Variants in SLC7A9 observed in about 807,000 individuals in gnomAD.
SLC7A9 encodes B(0,+)-type amino acid transporter 1.
In SLC7A9, 38 loss-of-function variants were observed where a neutral mutation model predicts 54.1. The ratio of observed to expected loss-of-function variants is 0.70; its 90% CI spans 0.54 to 0.92. The LOEUF (loss-of-function observed/expected upper bound fraction) is 0.92, where lower values mean the gene tolerates loss of function less well. Ranked by LOEUF, SLC7A9 falls within the 40% of genes least tolerant of loss-of-function variation. The pLI is 0.00. For synonymous variants in SLC7A9, 264 were observed against 258.9 expected (o/e 1.02, Z -0.19); for missense variants, 537 against 636.1 (o/e 0.84, Z 1.68).
Position 32,864,670 on chromosome 19 carries a change from C to T in SLC7A9, c.194G>A (p.Cys65Tyr). ...CCCGCAAGCCGCCCATATGATGAGG[C>T]AGGGCCCCACAGCTTCCGTGTTGCT... is the stretch of plus-strand genomic sequence containing the variant. Reference protein sequence around the residue: ...VLSNTEAVGPCLIIWAACGVL... With the variant: ...VLSNTEAVGPYLIIWAACGVL... The change falls in exon 3 of 13, where the codon TGC (cysteine) becomes TAC (tyrosine). Residue 65 changes from cysteine to tyrosine, a missense_variant. By Grantham distance (194) the Cys-to-Tyr change is radical. Coordinates refer to ENST00000023064, the MANE Select transcript of SLC7A9 (RefSeq NM_014270.5). The T allele has an allele frequency of 6.2e-7, 1 of 1,614,148 alleles. No individual in the cohort carries two copies. The highest frequency in any genetic ancestry group is 1.1e-5 in the South Asian group (1 of 91,090).
At chr19:32,845,760 G>T (rs1488656001) in intron 9 of SLC7A9, among the ~76,000 whole-genome samples, 1 of 151,974 alleles carries the variant, frequency 6.6e-6, no homozygotes, top group Non-Finnish European at 1.5e-5. Flanking sequence ...GTAATCCCAG[G>T]ACTTCGGGAG....
At chr19:32,860,541 C>T (rs1012536083) in intron 7 of SLC7A9, 65 bp downstream of exon 7, 10 of 1,613,508 alleles carry the variant, frequency 6.2e-6, no homozygotes, top group Admixed American at 1.7e-5. Flanking sequence ...ATAGCTCCAG[C>T]CTTCACCAGG....
At position 32,864,667 on chromosome 19, in the gene SLC7A9, A is replaced by T. The variant is rs936158382; in HGVS notation, c.197T>A (p.Leu66His). 3 of 1,613,956 alleles carry T rather than the reference A, an allele frequency of 1.9e-6. No individual in the cohort carries two copies. The highest frequency in any genetic ancestry group is 1.3e-5 in the African/African-American group (1 of 74,936). ...GACCCCGCAAGCCGCCCATATGATG[A>T]GGCAGGGCCCCACAGCTTCCGTGTT... is the stretch of plus-strand genomic sequence containing the variant. Reference protein sequence around the residue: ...LSNTEAVGPCLIIWAACGVLA... With the variant: ...LSNTEAVGPCHIIWAACGVLA... Residue 66 changes from leucine (L) to histidine (H), a missense_variant, in exon 3 of 13, where the codon CTC (leucine) becomes CAC (histidine). Coordinates refer to ENST00000023064, the MANE Select transcript of SLC7A9 (RefSeq NM_014270.5).
At chr19:32,860,549 A>G in intron 7 of SLC7A9, 57 bp downstream of exon 7, 1 of 1,613,614 alleles carries the variant, frequency 6.2e-7, no homozygotes, top group Admixed American at 1.7e-5. Context: ...AGCCTTCACC[A>G]GGAGAAGAGA....
rs1277638167 is a variant in SLC7A9 at position 32,842,143 on chromosome 19, C to T, written c.1224+25G>A. The T allele has an allele frequency of 1.9e-6, 3 of 1,612,978 alleles. 1 individual carries two copies. Among genetic ancestry groups the T allele is most frequent in the African/African-American group, 2.7e-5 (2 of 74,892 alleles). ...ATTCATTAAAAAATCCAAAGCCACT[C>T]GTGACTCTGGGGCTGCAAGCTTACC... On this transcript the variant is annotated intron_variant, in intron 11 of 12. Transcript: ENST00000023064.
intron 11 of SLC7A9, 113 bp downstream of exon 11, chr19:32,842,055 A>T: frequency 9.5e-7 from 1 of 1,052,928 alleles, no homozygotes; most frequent in Non-Finnish European, 1.5e-6. Flanking sequence ...ACGATATTTT[A>T]AAAGAGTCAA....
intron 11 of SLC7A9, among the ~76,000 whole-genome samples, chr19:32,840,832 G>A (rs184810848): frequency 2.6e-5 from 4 of 152,200 alleles, no homozygotes; most frequent in Non-Finnish European, 5.9e-5. Context: ...CCTCTCTCCT[G>A]GGAACACATG....
chr19:32,857,251 C>T (rs1182923005), intron 9 of SLC7A9, among the ~76,000 whole-genome samples: 1 of 151,824 alleles, frequency 6.6e-6, no homozygotes, highest in Admixed American at 6.6e-5. Context: ...CGAAATGGGC[C>T]TGGGCAACAT....
At chr19:32,838,462 ATATAT>A (rs1179146912) in intron 11 of SLC7A9, among the ~76,000 whole-genome samples, 5 of 148,660 alleles carry the variant, frequency 3.4e-5, no homozygotes, top group African/African-American at 7.3e-5. Flanking sequence ...TTATATAAGA[ATATAT>A]TATATCTAAT....
At chr19:32,835,166 T>G (rs1351167660) in intron 11 of SLC7A9, among the ~76,000 whole-genome samples, 1 of 152,232 alleles carries the variant, frequency 6.6e-6, no homozygotes, top group Non-Finnish European at 1.5e-5. Flanking sequence ...TCATGATATA[T>G]TATCTTTTTA....
chr19:32,832,868 C>T (rs1967845878), intron 12 of SLC7A9: 3 of 410,296 alleles, frequency 7.3e-6, no homozygotes, highest in Admixed American at 7.1e-5. Flanking sequence ...ATGACCATGC[C>T]ACTGCACTTT....
At chr19:32,842,660 T>C (rs1486896294) in intron 10 of SLC7A9, among the ~76,000 whole-genome samples, 1 of 151,590 alleles carries the variant, frequency 6.6e-6, no homozygotes, top group Non-Finnish European at 1.5e-5. Flanking sequence ...TCACCCAGGC[T>C]CGAATGCAGT....
chr19:32,836,646 T>A (rs1480799146), intron 11 of SLC7A9, among the ~76,000 whole-genome samples: 4 of 152,168 alleles, frequency 2.6e-5, no homozygotes, highest in African/African-American at 9.7e-5. Flanking sequence ...ATATTTTAGA[T>A]CCCCAGTCAC....
At position 32,867,212 on chromosome 19, in the gene SLC7A9, C is replaced by A. The variant is rs373101629; in HGVS notation, c.87+1236G>T. On this transcript the variant is annotated intron_variant, in intron 2 of 12. Coordinates refer to ENST00000023064, the MANE Select transcript of SLC7A9 (RefSeq NM_014270.5). ...TAGAGGGGACTCAACCATCAGAACG[C>A]CCTCTCTGGCTGGGCACAGCGACTC... Among the ~76,000 whole-genome samples the A allele has an allele frequency of 3.3e-5, 5 of 152,182 alleles. No homozygotes were observed. In the East Asian group the frequency reaches 9.6e-4, roughly 29 times the overall value.
chr19:32,859,971 G>C lies in SLC7A9; in HGVS notation c.750-7C>G. 1 of 1,614,114 alleles carries C rather than the reference G, an allele frequency of 6.2e-7. No individual in the cohort carries two copies. The highest frequency in any genetic ancestry group is 8.5e-7 in the Non-Finnish European group (1 of 1,179,988). The stretch of plus-strand genomic sequence containing the variant: ...AATGGCCAAAGGCAGGTTTCTGGGA[G>C]GGGCAATGACACGGAGACCCACGTT... On this transcript the variant is annotated splice_polypyrimidine_tract_variant and splice_region_variant and intron_variant, in intron 7 of 12. Transcript: ENST00000023064.
intron 9 of SLC7A9, among the ~76,000 whole-genome samples, chr19:32,857,131 C>A (rs1265585924): frequency 6.6e-6 from 1 of 151,962 alleles, no homozygotes; most frequent in Non-Finnish European, 1.5e-5. Context: ...GCCTGGGTGA[C>A]AGAGCAAGAC....
intron 9 of SLC7A9, among the ~76,000 whole-genome samples, chr19:32,853,801 C>T (rs1968535964): frequency 6.6e-6 from 1 of 151,712 alleles, no homozygotes; most frequent in Non-Finnish European, 1.5e-5. Flanking sequence ...CCTGTAATCC[C>T]AGCTACTTGG....
chr19:32,863,521 G>A (rs556325321), intron 4 of SLC7A9, among the ~76,000 whole-genome samples: 15 of 152,128 alleles, frequency 9.9e-5, no homozygotes, highest in Non-Finnish European at 2.1e-4. Context: ...CACCATACCC[G>A]GCTAATGTTT....
intron 9 of SLC7A9, among the ~76,000 whole-genome samples, chr19:32,857,289 C>T (rs1054327627): frequency 2.9e-4 from 44 of 152,090 alleles, no homozygotes; most frequent in African/African-American, 8.4e-4. Flanking sequence ...ACTAAGAATA[C>T]AAAAGTTAGC....
Sources: gnomAD v4.1 joint callset for allele counts (sites outside exome capture counted in the v4.1 genomes callset) on GRCh38, gnomAD v4.1.1 for gene constraint, MANE v1.5 for transcripts, NCBI Gene and HGNC (gene_info 2026-07-23, HGNC 2026-07-21) for gene names.